Variants in NAAA observed in about 807,000 individuals in gnomAD.
NAAA encodes N-acylethanolamine acid amidase, also known as N-acylethanolamine-hydrolyzing acid amidase.
Under a neutral mutation model 44.8 loss-of-function variants are expected in NAAA, and 39 were observed. The observed-to-expected ratio is 0.87, with a 90% CI of 0.67 to 1.14. The LOEUF (loss-of-function observed/expected upper bound fraction) is 1.14, where lower values mean the gene tolerates loss of function less well. Among genes scored for constraint, NAAA ranks in the 50% most tolerant of loss-of-function variants. The probability of loss-of-function intolerance (pLI) is 0.00; values close to 1 mark genes in which losing one functional copy is unlikely to be tolerated. For missense variants in NAAA, 460 were observed against 467.8 expected (o/e 0.98, Z 0.15); for synonymous variants, 178 against 191.3 (o/e 0.93, Z 0.58).
At chr4:75,931,581 T>G (rs889139103) in intron 3 of NAAA, among the ~76,000 whole-genome samples, 1 of 152,200 alleles carries the variant, frequency 6.6e-6, no homozygotes, top group Non-Finnish European at 1.5e-5. Flanking sequence ...ATTTAACTCC[T>G]TCTATAATGA....
chr4:75,940,780 A>C lies in NAAA; in HGVS notation c.170T>G (p.Leu57Trp). 6.3e-7 allele frequency: 1 copy of C among 1,598,982 alleles called. No homozygotes were observed. The highest frequency in any genetic ancestry group is 8.5e-7 in the Non-Finnish European group (1 of 1,178,822). Residue 57 changes from leucine (L) to tryptophan (W), a missense_variant, in exon 1 of 11, where the codon TTG becomes TGG. By Grantham distance (61) the Leu-to-Trp change is moderately conservative. Transcript: ENST00000286733. ...CGCCATCGCGGCGCGCACCAAGTCC[A>C]AGTCGTAGTGCCGCAGCACGGGCAG... is the stretch of plus-strand genomic sequence containing the variant. The part of the protein sequence containing the change: ...RWLPVLRHYD[L>W]DLVRAAMAQV...
chr4:75,925,594 G>A, intron 5 of NAAA, 141 bp downstream of exon 5: 1 of 751,720 alleles, frequency 1.3e-6, no homozygotes, highest in Non-Finnish European at 2.2e-6. Flanking sequence ...TTATCAAAAA[G>A]ATTTATATGC....
rs756823390 is a variant in NAAA at position 75,931,290 on chromosome 4, TC to T, written c.512del (p.Gly171GlufsTer8). ...ATCCTACATAGCCAATAAAAGTAGT[TC>T]CTGTGAATGCAATCTGAAATCAAGA... ...FLKNGQIAFT[G>X]TTFIGYVGLW... is the part of the protein sequence containing the mutation. On this transcript the variant is annotated frameshift_variant, in exon 4 of 11. Transcript: ENST00000286733. LOFTEE classifies it high-confidence loss of function. The T allele has an allele frequency of 2.5e-6, 4 of 1,610,564 alleles. No individual in the cohort carries two copies. The highest frequency in any genetic ancestry group is 3.4e-6 in the Non-Finnish European group (4 of 1,177,128).
At chr4:75,935,939 C>T in intron 3 of NAAA, 170 bp downstream of exon 3, 1 of 721,910 alleles carries the variant, frequency 1.4e-6, no homozygotes, top group East Asian at 2.7e-5. Flanking sequence ...GACCGTCCTT[C>T]CTATAAGCAT....
chr4:75,939,061 C>T (rs893317253), intron 2 of NAAA, among the ~76,000 whole-genome samples: 8 of 152,160 alleles, frequency 5.3e-5, no homozygotes, highest in Admixed American at 5.2e-4. Context: ...CCATGTTGGC[C>T]AGGCTGGTCT....
chr4:75,928,045 C>T (rs1008814605), intron 4 of NAAA, among the ~76,000 whole-genome samples: 4 of 152,172 alleles, frequency 2.6e-5, no homozygotes, highest in African/African-American at 7.2e-5. Flanking sequence ...ATACATAATA[C>T]ATGATTGTTA....
At chr4:75,927,992 A>G (rs537047466) in intron 4 of NAAA, among the ~76,000 whole-genome samples, 2 of 152,228 alleles carry the variant, frequency 1.3e-5, no homozygotes, top group Non-Finnish European at 2.9e-5. Context: ...ATGTGTATCA[A>G]TAACAAAATT....
chr4:75,937,950 T>C (rs933773693), intron 2 of NAAA, among the ~76,000 whole-genome samples: 10 of 152,234 alleles, frequency 6.6e-5, no homozygotes, highest in African/African-American at 2.2e-4. Context: ...AATGTTGTAG[T>C]GTGATGCAGC....
chr4:75,940,379 C>T (rs1456504900), intron 1 of NAAA: 8 of 590,104 alleles, frequency 1.4e-5, no homozygotes, highest in Admixed American at 3.1e-5. Context: ...TAAGAAAACT[C>T]CGAATGGGGA....
chr4:75,935,773 C>A (rs960264408), intron 3 of NAAA: 15 of 367,334 alleles, frequency 4.1e-5, no homozygotes, highest in African/African-American at 3.0e-4. Context: ...ATTGCACTAC[C>A]CAGCCCCTCC....
intron 4 of NAAA, among the ~76,000 whole-genome samples, chr4:75,929,272 A>T (rs1042104638): frequency 2.0e-5 from 3 of 152,106 alleles, no homozygotes; most frequent in African/African-American, 7.2e-5. Context: ...AGTCCTCCTC[A>T]TATCTTTATC....
At chr4:75,914,610 C>A (rs1321416493) in intron 10 of NAAA, among the ~76,000 whole-genome samples, 1 of 152,062 alleles carries the variant, frequency 6.6e-6, no homozygotes, top group East Asian at 1.9e-4. Flanking sequence ...AACTCCTGAC[C>A]TCAAGTGATC....
At chr4:75,921,596 G>C (rs1037567117) in intron 5 of NAAA, among the ~76,000 whole-genome samples, 2 of 152,214 alleles carry the variant, frequency 1.3e-5, no homozygotes, top group Admixed American at 6.5e-5. Flanking sequence ...ACAGTGTAAT[G>C]AGAGTTCACA....
intron 9 of NAAA, chr4:75,916,920 C>G (rs914345575): frequency 6.4e-6 from 1 of 155,426 alleles, no homozygotes; most frequent in African/African-American, 2.4e-5. Flanking sequence ...GCTGGGATTA[C>G]AGGCACGCAC....
chr4:75,915,394 C>T (rs1399339562), intron 9 of NAAA, among the ~76,000 whole-genome samples: 1 of 152,064 alleles, frequency 6.6e-6, no homozygotes, highest in Non-Finnish European at 1.5e-5. Flanking sequence ...AGAGCTCTAC[C>T]CCAAGGCAGT....
chr4:75,928,789 T>C (rs1726966128), intron 4 of NAAA, among the ~76,000 whole-genome samples: 1 of 151,742 alleles, frequency 6.6e-6, no homozygotes. Context: ...CCCTGCTTTT[T>C]TTTTTTCTTT....
chr4:75,938,662 G>A (rs1727941612), intron 2 of NAAA, among the ~76,000 whole-genome samples: 1 of 152,180 alleles, frequency 6.6e-6, no homozygotes, highest in African/African-American at 2.4e-5. Context: ...GCAGCAAGAA[G>A]CTCTAAGTAT....
At chr4:75,927,805 T>A (rs1244549236) in intron 4 of NAAA, among the ~76,000 whole-genome samples, 3 of 147,562 alleles carry the variant, frequency 2.0e-5, no homozygotes, top group African/African-American at 7.4e-5. Context: ...CAAAAAAAAA[T>A]GGGCAAAGGA....
intron 9 of NAAA, 41 bp downstream of exon 9, chr4:75,918,720 T>C (rs2149247109): frequency 6.2e-7 from 1 of 1,601,928 alleles, no homozygotes; most frequent in Middle Eastern, 1.7e-4. Context: ...TTCACTGTTC[T>C]GGAGTGATGT....
Sources: gnomAD v4.1 joint callset for allele counts (sites outside exome capture counted in the v4.1 genomes callset) on GRCh38, gnomAD v4.1.1 for gene constraint, MANE v1.5 for transcripts, NCBI Gene and HGNC (gene_info 2026-07-23, HGNC 2026-07-21) for gene names.